CASZ1: variants seen among roughly 807,000 people sequenced by gnomAD.
CASZ1 encodes the protein castor zinc finger 1, also known as zinc finger protein castor homolog 1.
CASZ1 carries 28 observed loss-of-function variants against 135.2 expected under a neutral mutation model. That is an observed-to-expected ratio of 0.21 (90% CI 0.15 to 0.28). The LOEUF (loss-of-function observed/expected upper bound fraction) is 0.28, where lower values mean the gene tolerates loss of function less well. Among genes scored for constraint, CASZ1 ranks in the 10% least tolerant of loss-of-function variants. The probability of loss-of-function intolerance (pLI) is 1.00; values close to 1 mark genes in which losing one functional copy is unlikely to be tolerated. For synonymous variants in CASZ1, 1,068 were observed against 1,073.4 expected (o/e 0.99, Z 0.10); for missense variants, 2,161 against 2,453.3 (o/e 0.88, Z 2.52).
intron 2 of CASZ1, among the ~76,000 whole-genome samples, chr1:10,729,828 A>G (rs1267121701): frequency 6.7e-6 from 1 of 148,308 alleles, no homozygotes; most frequent in Non-Finnish European, 1.5e-5. Flanking sequence ...TTTTTTTTTT[A>G]TTTTTGACAT....
At chr1:10,740,794 A>T (rs912868708) in intron 2 of CASZ1, among the ~76,000 whole-genome samples, 1 of 151,894 alleles carries the variant, frequency 6.6e-6, no homozygotes, top group African/African-American at 2.4e-5. Context: ...CCACAAAAAA[A>T]ATTTTTTTTT....
At chr1:10,665,818 G>A (rs1406021103) in intron 4 of CASZ1, among the ~76,000 whole-genome samples, 1 of 151,882 alleles carries the variant, frequency 6.6e-6, no homozygotes, top group Non-Finnish European at 1.5e-5. Flanking sequence ...GGTAGTTCAA[G>A]AACTAGTCTG....
chr1:10,699,857 T>C lies in CASZ1; in HGVS notation c.-24+5635A>G, dbSNP rs945225231. Reference sequence around the variant, plus strand: ...TTCCCAGTTTTTGTGAGTTCAAGAGTGTGGCCACAAAAACTTTAAAAAAAA... The same window carrying C: ...TTCCCAGTTTTTGTGAGTTCAAGAGCGTGGCCACAAAAACTTTAAAAAAAA... On this transcript the variant is annotated intron_variant, in intron 3 of 20. Transcript: ENST00000377022. This position sits in a 1 kb window ranked among gnomAD's most constrained non-coding sequence, Gnocchi z 4.6. Among the ~76,000 whole-genome samples, 18 of 151,710 alleles carry C rather than the reference T, an allele frequency of 1.2e-4. No homozygotes were observed. The highest frequency in any genetic ancestry group is 1.2e-3 in the Admixed American group (18 of 15,256).
chr1:10,668,547 G>A (rs948311145), intron 4 of CASZ1, among the ~76,000 whole-genome samples: 4 of 152,350 alleles, frequency 2.6e-5, no homozygotes, highest in Admixed American at 6.5e-5. Context: ...AGGGGCTGCC[G>A]AGGTGGGCTG....
At chr1:10,656,537 G>A in intron 8 of CASZ1, 109 bp downstream of exon 8, 3 of 795,346 alleles carry the variant, frequency 3.8e-6, no homozygotes, top group Non-Finnish European at 6.3e-6. Flanking sequence ...AGTTTGGGTG[G>A]TGCAACTAGA....
rs1054852031 is a variant in CASZ1, at chr1:10,706,333, C to G, written c.-76-789G>C. Among the ~76,000 whole-genome samples, 1 of 152,152 alleles carries G rather than the reference C, an allele frequency of 6.6e-6. No homozygotes were observed. The highest frequency in any genetic ancestry group is 1.5e-5 in the Non-Finnish European group (1 of 68,018). Reference sequence around the variant, plus strand: ...TACGTGGAGAGAAAACACAGGGAGTCCCCCCGCCAGCCTGCTGGCCAGGCC... The same window carrying G: ...TACGTGGAGAGAAAACACAGGGAGTGCCCCCGCCAGCCTGCTGGCCAGGCC... On this transcript the variant is annotated intron_variant, in intron 2 of 20. Coordinates refer to ENST00000377022, the MANE Select transcript of CASZ1 (RefSeq NM_001079843.3). This position sits in a 1 kb window ranked among gnomAD's most constrained non-coding sequence, Gnocchi z 4.3.
rs933796952 is a variant in CASZ1 at position 10,776,196 on chromosome 1, G to A, written c.-233-15339C>T. 7.2e-5 allele frequency among the ~76,000 whole-genome samples: 11 copies of A among 152,178 alleles called. No individual in the cohort carries two copies. Among genetic ancestry groups the A allele is most frequent in the African/African-American group, 2.7e-4 (11 of 41,430 alleles). On this transcript the variant is annotated intron_variant, in intron 1 of 20. Transcript: ENST00000377022. The surrounding 1 kb of genome is among the most constrained non-coding windows in gnomAD (Gnocchi z 4.1). ...AATGGTAATAAAACACTAATACAGCGTCTTGTATCCAGGGGAAGAGCTAAA... is the reference window on the plus strand; with the variant it reads ...AATGGTAATAAAACACTAATACAGCATCTTGTATCCAGGGGAAGAGCTAAA...
rs769002848 is a variant in CASZ1 at position 10,697,379 on chromosome 1, C to T, written c.-23-3467G>A. ...AGGCCACAGTGAGGACCTTCATGCC[C>T]GGGACTCAAGGGATGGAAGTCCAAT... On this transcript the variant is annotated intron_variant, in intron 3 of 20. Transcript: ENST00000377022. The surrounding 1 kb of genome is among the most constrained non-coding windows in gnomAD (Gnocchi z 4.7). 3.3e-5 allele frequency among the ~76,000 whole-genome samples: 5 copies of T among 152,086 alleles called. No individual in the cohort carries two copies. Among genetic ancestry groups the T allele is most frequent in the Admixed American group, 6.5e-5 (1 of 15,282 alleles).
intron 3 of CASZ1, among the ~76,000 whole-genome samples, chr1:10,696,846 G>A (rs1467126473): frequency 6.6e-6 from 1 of 152,250 alleles, no homozygotes; most frequent in Non-Finnish European, 1.5e-5. Context: ...AGGTGTGGAG[G>A]GGAAAAGGAA....
intron 4 of CASZ1, among the ~76,000 whole-genome samples, chr1:10,683,879 T>C (rs892530827): frequency 7.2e-5 from 11 of 152,186 alleles, no homozygotes; most frequent in Non-Finnish European, 1.2e-4. Flanking sequence ...ACAGGTGGGG[T>C]ACACATCGGG....
At chr1:10,654,955 AG>A (rs1485409793) in intron 9 of CASZ1, among the ~76,000 whole-genome samples, 9 of 152,216 alleles carry the variant, frequency 5.9e-5, no homozygotes, top group African/African-American at 1.9e-4. Flanking sequence ...GTGGGTGGAC[AG>A]GGGCTGGACC....
chr1:10,677,941 G>A (rs1638281306), intron 4 of CASZ1, among the ~76,000 whole-genome samples: 1 of 152,254 alleles, frequency 6.6e-6, no homozygotes, highest in Non-Finnish European at 1.5e-5. Flanking sequence ...GGGAAGCAAA[G>A]TGGAGGCTGG....
Position 10,697,991 on chromosome 1 carries a change from A to G in CASZ1, c.-23-4079T>C, listed in dbSNP as rs948174038. 2.6e-5 allele frequency among the ~76,000 whole-genome samples: 4 copies of G among 152,238 alleles called. No individual in the cohort carries two copies. The highest frequency in any genetic ancestry group is 9.6e-5 in the African/African-American group (4 of 41,466). On this transcript the variant is annotated intron_variant, in intron 3 of 20. Coordinates refer to ENST00000377022, the MANE Select transcript of CASZ1 (RefSeq NM_001079843.3). This position sits in a 1 kb window ranked among gnomAD's most constrained non-coding sequence, Gnocchi z 4.7. ...GGCCGAGGGAGGGCAGAGCCAAGGC[A>G]CCACGGCATGGCCACGGGCACGGGA...
intron 1 of CASZ1, among the ~76,000 whole-genome samples, chr1:10,787,855 A>G (rs1179698534): frequency 6.6e-6 from 1 of 152,204 alleles, no homozygotes; most frequent in Non-Finnish European, 1.5e-5. Context: ...CCACCGGCTC[A>G]GGCACCAGCC....
In CASZ1 at chr1:10,638,479, G is replaced by A. The variant is rs1301702764; in HGVS notation, c.*463C>T. 2 of 151,972 alleles carry A rather than the reference G, an allele frequency of 1.3e-5. No homozygotes were observed. Among genetic ancestry groups the A allele is most frequent in the Non-Finnish European group, 2.9e-5 (2 of 67,948 alleles). The allele number at this position is 151,972 out of a possible 1,614,324, so 9.4% of individuals were successfully genotyped here. A position where few individuals can be genotyped will look rare whatever the true frequency, so the allele number is the denominator to read the frequency against. On this transcript the variant is annotated 3_prime_UTR_variant, in exon 21 of 21. Transcript: ENST00000377022. The surrounding 1 kb of genome is among the most constrained non-coding windows in gnomAD (Gnocchi z 5.9). ...ACTGCCTTCTGCCCGTCTCCCCCTGGGCAGGGGGGAGGATCCTAGCTGCAT... is the reference window on the plus strand; with the variant it reads ...ACTGCCTTCTGCCCGTCTCCCCCTGAGCAGGGGGGAGGATCCTAGCTGCAT...
In CASZ1 at chr1:10,644,937, C is replaced by T. The variant is rs1343907346; in HGVS notation, c.3848G>A (p.Arg1283His). 2 of 1,613,712 alleles carry T rather than the reference C, an allele frequency of 1.2e-6. No homozygotes were observed. The highest frequency in any genetic ancestry group is 1.7e-5 in the Admixed American group (1 of 60,024). ...AANGFKYFTK[R>H]EECGRLGCKY... ...GGTACCTAGCCTGCCACACTCCTCG[C>T]GCTTGGTGAAGTATTTGAAGCCATT... Residue 1283 changes from arginine (R) to histidine (H), a missense_variant, in exon 18 of 21, where the codon CGC becomes CAC. Physicochemically the swap from Arg to His is conservative, Grantham distance 29. Transcript: ENST00000377022.
chr1:10,715,743 CT>C (rs1467344200), intron 2 of CASZ1, among the ~76,000 whole-genome samples: 5 of 134,566 alleles, frequency 3.7e-5, no homozygotes, highest in Non-Finnish European at 4.8e-5. Context: ...ACCCAATCCG[CT>C]CCCCACAGCA....
At chr1:10,786,184 C>A (rs1640856050) in intron 1 of CASZ1, among the ~76,000 whole-genome samples, 1 of 152,172 alleles carries the variant, frequency 6.6e-6, no homozygotes, top group African/African-American at 2.4e-5. Flanking sequence ...CCCCACCCCA[C>A]CCTGGCCTTC....
Position 10,647,620 on chromosome 1 carries a change from C to T in CASZ1, c.3497+181G>A. The T allele has an allele frequency of 6.9e-7, 1 of 1,452,006 alleles. No homozygotes were observed. The highest frequency in any genetic ancestry group is 1.4e-5 in the African/African-American group (1 of 70,612). The allele number at this position is 1,452,006 out of a possible 1,614,324, so 89.9% of individuals were successfully genotyped here. A position where few individuals can be genotyped will look rare whatever the true frequency, so the allele number is the denominator to read the frequency against. ...GCGGGCTGGCCTGCTCTGGGACAGG[C>T]AGTGAGGTAGGAGCAGCAGCATCTT... On this transcript the variant is annotated intron_variant, in intron 16 of 20. Transcript: ENST00000377022. This position sits in a 1 kb window ranked among gnomAD's most constrained non-coding sequence, Gnocchi z 4.9.
Sources: allele counts gnomAD v4.1 joint callset (sites outside exome capture counted in the v4.1 genomes callset), GRCh38; gene constraint gnomAD v4.1.1; non-coding constraint Gnocchi (gnomAD v3.1); transcripts MANE v1.5; gene names NCBI Gene and HGNC (gene_info 2026-07-23, HGNC 2026-07-21).